The following RPRD1A variants were observed in gnomAD, a reference collection of about 807,000 sequenced individuals.
RPRD1A encodes regulation of nuclear pre-mRNA domain-containing protein 1A.
RPRD1A carries 9 observed loss-of-function variants against 37.8 expected under a neutral mutation model. The ratio of observed to expected loss-of-function variants is 0.24; its 90% CI spans 0.14 to 0.42. The LOEUF is 0.42. RPRD1A is among the 10% of genes least tolerant of loss of function. The pLI is 1.00. For synonymous variants in RPRD1A, 138 were observed against 139.7 expected (o/e 0.99, Z 0.08); for missense variants, 255 against 371.0 (o/e 0.69, Z 2.57).
At chr18:36,015,145 CACACACACACACATATATACACATATAT>C (rs1395001247) in intron 6 of RPRD1A, among the ~76,000 whole-genome samples, 37 of 127,998 alleles carry the variant, frequency 2.9e-4, no homozygotes, top group African/African-American at 9.9e-4. Flanking sequence ...CACACACACA[CACACACACACACATATATACACATATAT>C]ACACACACAC....
At chr18:36,058,941 G>C (rs1913979619) in intron 1 of RPRD1A, among the ~76,000 whole-genome samples, 1 of 152,108 alleles carries the variant, frequency 6.6e-6, no homozygotes, top group Admixed American at 6.6e-5. Context: ...ATCTTATAAA[G>C]ATCTGGAAAA....
At chr18:36,023,706 C>G (rs1911161690) in intron 6 of RPRD1A, among the ~76,000 whole-genome samples, 1 of 152,206 alleles carries the variant, frequency 6.6e-6, no homozygotes, top group Admixed American at 6.5e-5. Context: ...CATCCTTCAG[C>G]AATCACCACC....
At chr18:36,052,158 G>GAA (rs58995301) in intron 1 of RPRD1A, among the ~76,000 whole-genome samples, 36,072 of 143,596 alleles carry the variant, frequency 0.25, 4,645 homozygotes, top group African/African-American at 0.32. Flanking sequence ...CATCCTAACA[G>GAA]AAAAAAAAAA....
chr18:36,039,054 G>C lies in RPRD1A; in HGVS notation c.152-5217C>G, dbSNP rs573210268. Among the ~76,000 whole-genome samples the C allele has an allele frequency of 3.3e-5, 5 of 152,306 alleles. No homozygotes were observed. The South Asian group carries it at 1.0e-3, about 32-fold the overall frequency. On this transcript the variant is annotated intron_variant, in intron 1 of 6. Coordinates refer to ENST00000399022, the MANE Select transcript of RPRD1A (RefSeq NM_018170.5). ...TTGAGTTAATGCTAGAATGAGTTAA[G>C]ACTCTGGAGGACTACTGGGAAAGCA... is the stretch of plus-strand genomic sequence containing the variant.
intron 6 of RPRD1A, among the ~76,000 whole-genome samples, chr18:36,006,886 A>T (rs1909779526): frequency 6.6e-6 from 1 of 152,174 alleles, no homozygotes. Flanking sequence ...CAGATGATAC[A>T]TTCTAAGACA....
intron 1 of RPRD1A, among the ~76,000 whole-genome samples, chr18:36,057,940 C>T (rs1011677315): frequency 6.6e-6 from 1 of 152,192 alleles, no homozygotes; most frequent in Admixed American, 6.5e-5. Context: ...TATGTAAGCT[C>T]CATGAACACA....
At chr18:35,996,396 G>C (rs763041490) in intron 6 of RPRD1A, among the ~76,000 whole-genome samples, 29 of 152,114 alleles carry the variant, frequency 1.9e-4, no homozygotes, top group Middle Eastern at 6.8e-3. Flanking sequence ...CCATAGATAA[G>C]AAAACTGAGG....
In RPRD1A at chr18:35,990,042, A is replaced by G. The variant is rs1175917366; in HGVS notation, c.*3109T>C. 6.6e-6 allele frequency: 1 copy of G among 152,226 alleles called. No homozygotes were observed. The highest frequency in any genetic ancestry group is 1.9e-4 in the East Asian group (1 of 5,196). The allele number at this position is 152,226 out of a possible 1,614,324, so 9.4% of individuals were successfully genotyped here. A position where few individuals can be genotyped will look rare whatever the true frequency, so the allele number is the denominator to read the frequency against. ...AACACAATGTTTCCTTTCTATACAG[A>G]GAAGAACTGGGCTTACATTTTAAGT... On this transcript the variant is annotated 3_prime_UTR_variant, in exon 7 of 7. Coordinates refer to ENST00000399022, the MANE Select transcript of RPRD1A (RefSeq NM_018170.5).
chr18:36,037,662 G>A (rs1912291677), intron 1 of RPRD1A, among the ~76,000 whole-genome samples: 1 of 152,178 alleles, frequency 6.6e-6, no homozygotes, highest in Admixed American at 6.5e-5. Context: ...GGAGGGCTCT[G>A]AAGAAAACAG....
intron 6 of RPRD1A, among the ~76,000 whole-genome samples, chr18:36,018,269 T>TA (rs1219104569): frequency 1.3e-5 from 2 of 149,576 alleles, no homozygotes; most frequent in African/African-American, 2.5e-5. Flanking sequence ...TCTTCCAAGT[T>TA]ACACTTTTTT....
chr18:35,997,422 G>T (rs1029050942), intron 6 of RPRD1A, among the ~76,000 whole-genome samples: 3 of 152,138 alleles, frequency 2.0e-5, no homozygotes, highest in African/African-American at 4.8e-5. Context: ...TCTATCATTT[G>T]AATGGTTAAA....
At position 36,026,964 on chromosome 18, in the gene RPRD1A, C is replaced by G; in HGVS notation, c.725G>C (p.Arg242Pro). Reference sequence around the variant, plus strand: ...ACAACGAAGAAAATCTGCTAACATTCGAGTGAGTTGCTTTCTATCATCTAT... The same window carrying G: ...ACAACGAAGAAAATCTGCTAACATTGGAGTGAGTTGCTTTCTATCATCTAT... ...AEIDDRKQLTRMLADFLRCQK... is the reference protein window; with the variant it reads ...AEIDDRKQLTPMLADFLRCQK... Residue 242 changes from arginine (R) to proline (P), a missense_variant, in exon 6 of 7, where the codon CGA becomes CCA. Arg to Pro is a moderately radical substitution (Grantham distance 103). Coordinates refer to ENST00000399022, the MANE Select transcript of RPRD1A (RefSeq NM_018170.5). 6.2e-7 allele frequency: 1 copy of G among 1,614,024 alleles called. No homozygotes were observed. Among genetic ancestry groups the G allele is most frequent in the Non-Finnish European group, 8.5e-7 (1 of 1,179,892 alleles).
At chr18:36,055,399 A>C (rs1489955685) in intron 1 of RPRD1A, among the ~76,000 whole-genome samples, 1 of 152,196 alleles carries the variant, frequency 6.6e-6, no homozygotes, top group African/African-American at 2.4e-5. Context: ...TAATCCTTCA[A>C]TACTTCCTTC....
At chr18:36,031,171 G>A (rs1206831055) in intron 2 of RPRD1A, 74 bp from the exon 3 acceptor site, 9 of 1,418,512 alleles carry the variant, frequency 6.3e-6, no homozygotes, top group Non-Finnish European at 6.4e-6. Context: ...AAGGTTAACG[G>A]TAACTTTAAA....
At chr18:36,018,161 T>C (rs1196737671) in intron 6 of RPRD1A, among the ~76,000 whole-genome samples, 1 of 151,956 alleles carries the variant, frequency 6.6e-6, no homozygotes, top group Non-Finnish European at 1.5e-5. Flanking sequence ...TATAATTTTA[T>C]TCAAAATCCT....
intron 6 of RPRD1A, among the ~76,000 whole-genome samples, chr18:35,998,183 AC>A (rs1226626304): frequency 2.0e-5 from 3 of 152,110 alleles, no homozygotes; most frequent in Non-Finnish European, 4.4e-5. Context: ...ACATGGTGAA[AC>A]CCTGTTTCTA....
intron 6 of RPRD1A, among the ~76,000 whole-genome samples, chr18:36,009,066 T>TG (rs1910002469): frequency 6.6e-6 from 1 of 152,154 alleles, no homozygotes; most frequent in South Asian, 2.1e-4. Flanking sequence ...ATTTTTTTTT[T>TG]GTATTAACTA....
Position 36,043,195 on chromosome 18 carries a change from T to TTGG in RPRD1A, c.152-9359_152-9358insCCA, listed in dbSNP as rs1568141855. On this transcript the variant is annotated intron_variant, in intron 1 of 6. Coordinates refer to ENST00000399022, the MANE Select transcript of RPRD1A (RefSeq NM_018170.5). Reference sequence around the variant, plus strand: ...TATCTTTGGGAAAGATCAAGAAGAATCGGGGGGGGGGGAAGAAGGGGAGTT... The same window carrying TTGG: ...TATCTTTGGGAAAGATCAAGAAGAATTGGCGGGGGGGGGGGAAGAAGGGGAGTT... Among the ~76,000 whole-genome samples, 3 of 50,060 alleles carry TTGG rather than the reference T, an allele frequency of 6.0e-5. No individual in the cohort carries two copies. In the East Asian group the frequency reaches 2.1e-3, roughly 36 times the overall value. The allele number at this position is 50,060 out of a possible 152,430, so 32.8% of individuals were successfully genotyped here.
chr18:36,038,942 T>C (rs1912387966), intron 1 of RPRD1A, among the ~76,000 whole-genome samples: 1 of 152,226 alleles, frequency 6.6e-6, no homozygotes, highest in Non-Finnish European at 1.5e-5. Context: ...CGTTGTATCT[T>C]GGAAGTAACT....
Sources: gnomAD v4.1 joint callset for allele counts (sites outside exome capture counted in the v4.1 genomes callset) on GRCh38, gnomAD v4.1.1 for gene constraint, MANE v1.5 for transcripts, NCBI Gene and HGNC (gene_info 2026-07-23, HGNC 2026-07-21) for gene names.